Variants in SLC38A9 observed in about 807,000 individuals in gnomAD.
The protein encoded by SLC38A9 is solute carrier family 38 member 9, also known as neutral amino acid transporter 9.
Under a neutral mutation model 62.3 loss-of-function variants are expected in SLC38A9, and 48 were observed. The ratio of observed to expected loss-of-function variants is 0.77; its 90% CI spans 0.61 to 0.98. The LOEUF (loss-of-function observed/expected upper bound fraction) is 0.98, where lower values mean the gene tolerates loss of function less well. Among genes scored for constraint, SLC38A9 ranks in the 50% least tolerant of loss-of-function variants. The pLI is 0.00. For missense variants in SLC38A9, 541 were observed against 679.8 expected, an observed-to-expected ratio of 0.80 and a Z score of 2.27; for synonymous variants, 204 against 227.7, an observed-to-expected ratio of 0.90 and a Z score of 0.94.
At chr5:55,685,237 C>T (rs2150473428) in intron 3 of SLC38A9, among the ~76,000 whole-genome samples, 1 of 152,226 alleles carries the variant, frequency 6.6e-6, no homozygotes, top group South Asian at 2.1e-4. Flanking sequence ...ACATTTTTAC[C>T]ATCCCAAAAG....
intron 8 of SLC38A9, chr5:55,664,413 CAAACTT>C (rs1270214209): frequency 1.8e-5 from 3 of 170,456 alleles, no homozygotes; most frequent in East Asian, 1.5e-4. Flanking sequence ...TTTAGTGAAA[CAAACTT>C]AAAAGATCTG....
At chr5:55,653,752 G>A (rs986304979) in intron 9 of SLC38A9, among the ~76,000 whole-genome samples, 4 of 151,846 alleles carry the variant, frequency 2.6e-5, no homozygotes, top group Admixed American at 2.6e-4. Context: ...TCTGCCTCCT[G>A]GGGTCAAGTG....
At chr5:55,640,658 C>T (rs1452701122) in intron 12 of SLC38A9, among the ~76,000 whole-genome samples, 1 of 152,144 alleles carries the variant, frequency 6.6e-6, no homozygotes, top group Non-Finnish European at 1.5e-5. Context: ...ACAGACAGTC[C>T]TCACTTTGCA....
chr5:55,656,853 T>TA, intron 8 of SLC38A9, 79 bp from the exon 9 acceptor site: 1 of 602,606 alleles, frequency 1.7e-6, no homozygotes. Context: ...CTTTTATTTA[T>TA]AAAAATCTTT....
At position 55,700,384 on chromosome 5, in the gene SLC38A9, C is replaced by A. The variant is rs142798016; in HGVS notation, c.-34-2392G>T. On this transcript the variant is annotated intron_variant, in intron 2 of 15. Coordinates refer to ENST00000396865, the MANE Select transcript of SLC38A9 (RefSeq NM_173514.4). ...CCAAAAAAAAAAAGAACTAAAATCC[C>A]AGACCAAAGGGGAAAAAAAAAGTCA... is the stretch of plus-strand genomic sequence containing the variant. Among the ~76,000 whole-genome samples the A allele has an allele frequency of 6.8e-3, 988 of 144,900 alleles. 13 individuals carry two copies. The highest frequency in any genetic ancestry group is 0.024 in the African/African-American group (953 of 40,004).
chr5:55,678,389 C>T (rs536799892), intron 3 of SLC38A9, among the ~76,000 whole-genome samples: 1 of 152,162 alleles, frequency 6.6e-6, no homozygotes, highest in East Asian at 1.9e-4. Flanking sequence ...CACCCGCCTT[C>T]ACCTCCCAAA....
chr5:55,641,512 T>C (rs1367910644), intron 12 of SLC38A9, among the ~76,000 whole-genome samples: 2 of 152,256 alleles, frequency 1.3e-5, no homozygotes, highest in Admixed American at 6.5e-5. Context: ...GCTGCATATC[T>C]GGAGTCTCTT....
rs904274596 is a variant in SLC38A9, at chr5:55,627,972, T to C, written c.1439A>G (p.His480Arg). 1 of 1,610,226 alleles carries C rather than the reference T, an allele frequency of 6.2e-7. No homozygotes were observed. Among genetic ancestry groups the C allele is most frequent in the African/African-American group, 1.3e-5 (1 of 74,726 alleles). The change falls in exon 15 of 16, where the codon CAT becomes CGT. Residue 480 changes from histidine to arginine, a missense_variant. Physicochemically the swap from His to Arg is conservative, Grantham distance 29. Coordinates refer to ENST00000396865, the MANE Select transcript of SLC38A9 (RefSeq NM_173514.4). ...IFGDIYPSIF[H>R]VLILNLIIVG... ...AATAATTAGATTAAGAATCAGCACA[T>C]GGAAAATGCTAGAAGTTGAGAAGAG...
intron 8 of SLC38A9, among the ~76,000 whole-genome samples, chr5:55,661,327 C>T (rs1456531009): frequency 6.6e-6 from 1 of 151,348 alleles, no homozygotes; most frequent in East Asian, 2.0e-4. Context: ...CGCCTGTAGT[C>T]CTAGCTGCTG....
At chr5:55,664,650 A>G (rs1424729981) in intron 8 of SLC38A9, 43 bp downstream of exon 8, 2 of 1,104,812 alleles carry the variant, frequency 1.8e-6, no homozygotes, top group African/African-American at 3.2e-5. Context: ...TGGTAATAGT[A>G]TTTGAAAGTA....
chr5:55,635,767 T>C, intron 12 of SLC38A9, 110 bp from the exon 13 acceptor site: 1 of 660,468 alleles, frequency 1.5e-6, no homozygotes, highest in South Asian at 1.9e-5. Context: ...TTTTACCTTG[T>C]ACATGTGTGT....
chr5:55,699,434 C>T (rs1423041082), intron 2 of SLC38A9, among the ~76,000 whole-genome samples: 1 of 152,156 alleles, frequency 6.6e-6, no homozygotes, highest in Non-Finnish European at 1.5e-5. Flanking sequence ...AAATGTAAAT[C>T]TTTCCTGTAA....
At position 55,641,252 on chromosome 5, in the gene SLC38A9, T is replaced by C. The variant is rs145482245; in HGVS notation, c.1167+4537A>G. Among the ~76,000 whole-genome samples, 627 of 152,370 alleles carry C rather than the reference T, an allele frequency of 4.1e-3. 22 individuals carry two copies. Among genetic ancestry groups the C allele is most frequent in the Admixed American group, 0.037 (570 of 15,306 alleles). On this transcript the variant is annotated intron_variant, in intron 12 of 15. Coordinates refer to ENST00000396865, the MANE Select transcript of SLC38A9 (RefSeq NM_173514.4). Reference sequence around the variant, plus strand: ...ACTATGTTCGCCTCCTTCTTCTCACTGTATAACTTAACAATATGGAGCAGG... The same window carrying C: ...ACTATGTTCGCCTCCTTCTTCTCACCGTATAACTTAACAATATGGAGCAGG...
intron 3 of SLC38A9, among the ~76,000 whole-genome samples, chr5:55,683,706 C>T (rs1458109322): frequency 2.6e-5 from 4 of 152,134 alleles, no homozygotes; most frequent in Admixed American, 1.3e-4. Flanking sequence ...TGACATTCAC[C>T]CATATTCTGT....
chr5:55,630,194 C>T (rs1300942882), intron 14 of SLC38A9, among the ~76,000 whole-genome samples: 1 of 151,616 alleles, frequency 6.6e-6, no homozygotes, highest in Non-Finnish European at 1.5e-5. Flanking sequence ...ATTTTCTTCA[C>T]AAATCTAAAC....
chr5:55,665,175 G>C (rs1267445886), intron 7 of SLC38A9: 1 of 161,184 alleles, frequency 6.2e-6, no homozygotes, highest in African/African-American at 2.4e-5. Flanking sequence ...TTAATATTTG[G>C]CATATTCAGA....
At chr5:55,669,183 G>A in intron 7 of SLC38A9, 45 bp downstream of exon 7, 1 of 1,418,046 alleles carries the variant, frequency 7.1e-7, no homozygotes, top group East Asian at 2.3e-5. Context: ...AAAGGGAAAT[G>A]CTTATTAATA....
chr5:55,692,157 T>C (rs1361573181), intron 3 of SLC38A9, among the ~76,000 whole-genome samples: 2 of 152,248 alleles, frequency 1.3e-5, no homozygotes, highest in African/African-American at 4.8e-5. Flanking sequence ...CTAGTTGGTA[T>C]TTAATGCAAT....
chr5:55,678,051 A>G (rs1457538978), intron 3 of SLC38A9, among the ~76,000 whole-genome samples: 1 of 150,998 alleles, frequency 6.6e-6, no homozygotes, highest in East Asian at 1.9e-4. Flanking sequence ...GAAGGCAGAA[A>G]AGTAGAAGAG....
Sources: gnomAD v4.1 joint callset for allele counts (sites outside exome capture counted in the v4.1 genomes callset) on GRCh38, gnomAD v4.1.1 for gene constraint, MANE v1.5 for transcripts, NCBI Gene and HGNC (gene_info 2026-07-23, HGNC 2026-07-21) for gene names.